PRPF8: variants seen among roughly 807,000 people sequenced by gnomAD.
PRPF8 encodes pre-mRNA-processing-splicing factor 8.
In PRPF8, 64 loss-of-function variants were observed where a neutral mutation model predicts 285.9. The observed-to-expected ratio is 0.22, with a 90% CI of 0.18 to 0.28. The LOEUF (loss-of-function observed/expected upper bound fraction) is 0.28. Among genes scored for constraint, PRPF8 ranks in the 10% least tolerant of loss-of-function variants. PRPF8 has a pLI of 1.00. For synonymous variants in PRPF8, 1,325 were observed against 1,118.2 expected (o/e 1.18, Z -3.69); for missense variants, 1,426 against 3,026.7 (o/e 0.47, Z 12.41).
intron 37 of PRPF8, 137 bp from the exon 38 acceptor site, chr17:1,654,153 G>C: frequency 7.5e-7 from 1 of 1,341,730 alleles, no homozygotes; most frequent in Non-Finnish European, 1.1e-6. Flanking sequence ...TGCTTCTACA[G>C]GAAGTGTGAA....
intron 24 of PRPF8, among the ~76,000 whole-genome samples, chr17:1,663,570 G>A (rs530249534): frequency 3.5e-4 from 53 of 151,904 alleles, no homozygotes; most frequent in Middle Eastern, 6.8e-3. Flanking sequence ...TTAGCTGAGC[G>A]TGGTGGCACG....
In PRPF8 at chr17:1,661,228, A is replaced by G. The variant is rs1354846922; in HGVS notation, c.4338+43T>C. 2 of 1,614,136 alleles carry G rather than the reference A, an allele frequency of 1.2e-6. No homozygotes were observed. Among genetic ancestry groups the G allele is most frequent in the Non-Finnish European group, 1.7e-6 (2 of 1,180,030 alleles). On this transcript the variant is annotated intron_variant, in intron 27 of 42. Transcript: ENST00000304992. This position sits in a 1 kb window ranked among gnomAD's most constrained non-coding sequence, Gnocchi z 7.3. Reference sequence around the variant, plus strand: ...ATTGCCCCAAGTTTCGGGGATAGCCATGGATTTTCCTGACTCAGGGAAAAT... The same window carrying G: ...ATTGCCCCAAGTTTCGGGGATAGCCGTGGATTTTCCTGACTCAGGGAAAAT...
At chr17:1,669,122 T>C (rs1207938800) in intron 24 of PRPF8, among the ~76,000 whole-genome samples, 1 of 152,188 alleles carries the variant, frequency 6.6e-6, no homozygotes, top group African/African-American at 2.4e-5. Flanking sequence ...TTTTCTTTTC[T>C]TCGAGACGGA....
At chr17:1,655,760 G>A (rs990336582) in intron 36 of PRPF8, among the ~76,000 whole-genome samples, 2 of 151,672 alleles carry the variant, frequency 1.3e-5, no homozygotes, top group East Asian at 1.9e-4. Flanking sequence ...CCGAATAGCT[G>A]GGATGACAGG....
chr17:1,675,687 C>A lies in PRPF8; in HGVS notation c.2805G>T (p.Leu935=). Residue 935 remains leucine, a synonymous_variant, in exon 19 of 43, where the codon CTG becomes CTT. Coordinates refer to ENST00000304992, the MANE Select transcript of PRPF8 (RefSeq NM_006445.4). This position sits in a 1 kb window ranked among gnomAD's most constrained non-coding sequence, Gnocchi z 6.0. ...CTGCAGGCTTAATCCAGGGTGGGAA[C>A]AGGCGGCGCTTGTCGGCTTCATACC... ...YLWYEADKRR[L]FPPWIKPADT... is the part of the protein sequence containing the mutation. 1 of 1,614,144 alleles carries A rather than the reference C, an allele frequency of 6.2e-7. No homozygotes were observed. The highest frequency in any genetic ancestry group is 1.1e-5 in the South Asian group (1 of 91,084).
In PRPF8 at chr17:1,660,931, G is replaced by C. The variant is rs111803407; in HGVS notation, c.4508+62C>G. 45 of 1,612,354 alleles carry C rather than the reference G, an allele frequency of 2.8e-5. No homozygotes were observed. The African/African-American group carries it at 3.3e-4, about 12-fold the overall frequency. Reference sequence around the variant, plus strand: ...GGGAAACACCACAGGAAATCACAGAGGCATACAAGAGATGAGCTCAAAGGG... The same window carrying C: ...GGGAAACACCACAGGAAATCACAGACGCATACAAGAGATGAGCTCAAAGGG... On this transcript the variant is annotated intron_variant, in intron 28 of 42. Transcript: ENST00000304992.
In PRPF8 at chr17:1,683,469, T is replaced by C. The variant is rs1475569672; in HGVS notation, c.269+64A>G. 2.6e-6 allele frequency: 4 copies of C among 1,562,248 alleles called. No homozygotes were observed. The African/African-American group carries it at 5.4e-5, about 21-fold the overall frequency. On this transcript the variant is annotated intron_variant, in intron 3 of 42. Coordinates refer to ENST00000304992, the MANE Select transcript of PRPF8 (RefSeq NM_006445.4). ...AGCTGTCAAAGCATCAATCCAAGAC[T>C]GTGGGACAGGGAGAAGGGAAAAGGG...
At chr17:1,677,223 A>G (rs770755434) in intron 14 of PRPF8, 51 bp from the exon 15 acceptor site, 40 of 1,542,042 alleles carry the variant, frequency 2.6e-5, no homozygotes, top group Admixed American at 3.3e-5. Flanking sequence ...CTTGCTTTCA[A>G]TAAGGGTCTC....
In PRPF8 at chr17:1,684,783, A is replaced by T. The variant is rs886052618; in HGVS notation, c.-15T>A. ...GCCTTAAACGCCTGCCACGCACCCC[A>T]CAGGCCCTCACACAAGAGGCCGCTT... On this transcript the variant is annotated 5_prime_UTR_variant, in exon 1 of 43. Coordinates refer to ENST00000304992, the MANE Select transcript of PRPF8 (RefSeq NM_006445.4). 8.2e-6 allele frequency: 5 copies of T among 607,862 alleles called. No homozygotes were observed. Among genetic ancestry groups the T allele is most frequent in the Non-Finnish European group, 1.5e-5 (5 of 340,032 alleles). The allele number at this position is 607,862 out of a possible 1,614,324, so 37.7% of individuals were successfully genotyped here. A position where few individuals can be genotyped will look rare whatever the true frequency, so the allele number is the denominator to read the frequency against.
In PRPF8 at chr17:1,658,412, C is replaced by G; in HGVS notation, c.5377-31G>C. The G allele has an allele frequency of 6.2e-7, 1 of 1,614,208 alleles. No individual in the cohort carries two copies. Among genetic ancestry groups the G allele is most frequent in the South Asian group, 1.1e-5 (1 of 91,084 alleles). ...GGAGGACGGCATTCGTTAGCATGGC[C>G]TACACAACACATCCCCATCCTGCCT... On this transcript the variant is annotated intron_variant, in intron 33 of 42. Coordinates refer to ENST00000304992, the MANE Select transcript of PRPF8 (RefSeq NM_006445.4). The surrounding 1 kb of genome is among the most constrained non-coding windows in gnomAD (Gnocchi z 4.1).
Position 1,671,972 on chromosome 17 carries a change from T to C in PRPF8, c.3774+1109A>G, listed in dbSNP as rs1198629845. On this transcript the variant is annotated intron_variant, in intron 24 of 42. Transcript: ENST00000304992. ...TCACTTGAGCTGCAGTGAGCTATGA[T>C]AGCGCCACTGCCCTTCAGCCTAAGT... Among the ~76,000 whole-genome samples, 10 of 151,926 alleles carry C rather than the reference T, an allele frequency of 6.6e-5. No homozygotes were observed. In the South Asian group the frequency reaches 1.0e-3, roughly 16 times the overall value.
At chr17:1,684,365 A>AGCT in intron 2 of PRPF8, 107 bp downstream of exon 2, 1 of 1,062,650 alleles carries the variant, frequency 9.4e-7, no homozygotes, top group African/African-American at 1.6e-5. Flanking sequence ...ATAACAAGGG[A>AGCT]GCTGACACCT....
rs369926751 is a variant in PRPF8 at position 1,682,095 on chromosome 17, C to T, written c.434+34G>A. The T allele has an allele frequency of 2.5e-6, 4 of 1,613,448 alleles. No individual in the cohort carries two copies. The African/African-American group carries it at 4.0e-5, about 16-fold the overall frequency. On this transcript the variant is annotated intron_variant, in intron 4 of 42. Coordinates refer to ENST00000304992, the MANE Select transcript of PRPF8 (RefSeq NM_006445.4). Reference sequence around the variant, plus strand: ...ACCCACTGCCTCCCAACCACCACCACCACCACCACCCACCATATTTCAGCC... The same window carrying T: ...ACCCACTGCCTCCCAACCACCACCATCACCACCACCCACCATATTTCAGCC...
Position 1,658,833 on chromosome 17 carries a change from A to G in PRPF8, c.5139-70T>C, listed in dbSNP as rs781089836. 589 of 1,339,994 alleles carry G rather than the reference A, an allele frequency of 4.4e-4. 4 individuals are homozygous for G. Among genetic ancestry groups the G allele is most frequent in the Non-Finnish European group, 9.1e-5 (85 of 931,396 alleles). The allele number at this position is 1,339,994 out of a possible 1,614,324, so 83.0% of individuals were successfully genotyped here. A position where few individuals can be genotyped will look rare whatever the true frequency, so the allele number is the denominator to read the frequency against. On this transcript the variant is annotated intron_variant, in intron 32 of 42. Transcript: ENST00000304992. This position sits in a 1 kb window ranked among gnomAD's most constrained non-coding sequence, Gnocchi z 4.1. The stretch of plus-strand genomic sequence containing the variant: ...GCCCCAGAAACAAGACAAGCTGCCA[A>G]CTCTACAGAGGAAGAAAGACTGTTC...
chr17:1,662,076 G>A lies in PRPF8; in HGVS notation c.3852C>T (p.Leu1284=). Residue 1284 remains leucine, a synonymous_variant, in exon 25 of 43, where the codon CTC becomes CTT. Coordinates refer to ENST00000304992, the MANE Select transcript of PRPF8 (RefSeq NM_006445.4). ...TCTCACACTTCACCAGTAAGTCCAA[G>A]AGCTCTTGGGTGTTCACCACAGCCT... ...FREAVVNTQE[L]LDLLVKCENK... 1.2e-6 allele frequency: 2 copies of A among 1,614,112 alleles called. No individual in the cohort carries two copies. The highest frequency in any genetic ancestry group is 1.7e-6 in the Non-Finnish European group (2 of 1,180,038).
chr17:1,653,428 CT>C lies in PRPF8; in HGVS notation c.6369+113del. On this transcript the variant is annotated intron_variant, in intron 39 of 42. Transcript: ENST00000304992. The surrounding 1 kb of genome is among the most constrained non-coding windows in gnomAD (Gnocchi z 4.9). Reference sequence around the variant, plus strand: ...TGTTTTGGCTATCCTTGTATAATTACTCATCCATGAATCTTGAAACCAGCAT... The same window carrying C: ...TGTTTTGGCTATCCTTGTATAATTACCATCCATGAATCTTGAAACCAGCAT... The C allele has an allele frequency of 7.0e-7, 1 of 1,431,046 alleles. No homozygotes were observed. The highest frequency in any genetic ancestry group is 9.8e-7 in the Non-Finnish European group (1 of 1,022,452). 88.6% of individuals were successfully genotyped at this position (1,431,046 alleles called of 1,614,324 possible).
chr17:1,675,267 T>TC lies in PRPF8; in HGVS notation c.2944dup (p.Glu982GlyfsTer5). On this transcript the variant is annotated frameshift_variant, in exon 20 of 43. Coordinates refer to ENST00000304992, the MANE Select transcript of PRPF8 (RefSeq NM_006445.4). LOFTEE classifies it high-confidence loss of function. This position sits in a 1 kb window ranked among gnomAD's most constrained non-coding sequence, Gnocchi z 6.0. ...CAAGTCGATCTTCTCATACATCTTCTCAAAGCGGGATTCCAGCATGACATT... is the reference window on the plus strand; with the variant it reads ...CAAGTCGATCTTCTCATACATCTTCTCCAAAGCGGGATTCCAGCATGACATT... The TC allele has an allele frequency of 6.2e-7, 1 of 1,614,184 alleles. No homozygotes were observed.
chr17:1,653,745 C>A lies in PRPF8; in HGVS notation c.6227+32G>T. ...CAGCACCTTAGGTAGTGCAGCCGGCCTTTCCATCCCCACCCTCTTGCCCGA... is the reference window on the plus strand; with the variant it reads ...CAGCACCTTAGGTAGTGCAGCCGGCATTTCCATCCCCACCCTCTTGCCCGA... On this transcript the variant is annotated intron_variant, in intron 38 of 42. Transcript: ENST00000304992. This position sits in a 1 kb window ranked among gnomAD's most constrained non-coding sequence, Gnocchi z 4.9. 6.2e-7 allele frequency: 1 copy of A among 1,614,160 alleles called. No homozygotes were observed. The highest frequency in any genetic ancestry group is 8.5e-7 in the Non-Finnish European group (1 of 1,180,028).
At chr17:1,674,084 G>C (rs536693480) in intron 21 of PRPF8, among the ~76,000 whole-genome samples, 192 bp from the exon 22 acceptor site, 1 of 152,096 alleles carries the variant, frequency 6.6e-6, no homozygotes, top group Admixed American at 6.5e-5. Flanking sequence ...GCGCAGCGGC[G>C]CAATCCCGGC....
Sources: allele counts gnomAD v4.1 joint callset (sites outside exome capture counted in the v4.1 genomes callset), GRCh38; gene constraint gnomAD v4.1.1; non-coding constraint Gnocchi (gnomAD v3.1); transcripts MANE v1.5; gene names NCBI Gene and HGNC (gene_info 2026-07-23, HGNC 2026-07-21).